Variants in INTS2 observed in about 807,000 individuals in gnomAD.
INTS2 encodes the protein integrator complex subunit 2.
In INTS2, 57 loss-of-function variants were observed where a neutral mutation model predicts 139.6. The ratio of observed to expected loss-of-function variants is 0.41; its 90% CI spans 0.33 to 0.51. The LOEUF is 0.51. Ranked by LOEUF, INTS2 falls within the 20% of genes least tolerant of loss-of-function variation. The probability of loss-of-function intolerance (pLI) is 0.28; values close to 1 mark genes in which losing one functional copy is unlikely to be tolerated. For synonymous variants in INTS2, 473 were observed against 493.4 expected (o/e 0.96, Z 0.55); for missense variants, 1,196 against 1,436.7 (o/e 0.83, Z 2.71).
At chr17:61,888,781 T>C (rs951180374) in intron 15 of INTS2, among the ~76,000 whole-genome samples, 3 of 152,002 alleles carry the variant, frequency 2.0e-5, no homozygotes, top group South Asian at 2.1e-4. Context: ...TCCCAGCACT[T>C]TGGGAGGCCG....
At position 61,873,158 on chromosome 17, in the gene INTS2, G is replaced by A. The variant is rs1209186973; in HGVS notation, c.2583-698C>T. ...AAAGCACTATTGATAAAAGCAAAAA[G>A]TAGAAATAAAATATCCTAGGGGATT... On this transcript the variant is annotated intron_variant, in intron 19 of 24. Coordinates refer to ENST00000251334, the MANE Select transcript of INTS2 (RefSeq NM_001351695.2). The surrounding 1 kb of genome is among the most constrained non-coding windows in gnomAD (Gnocchi z 4.0). Among the ~76,000 whole-genome samples the A allele has an allele frequency of 1.3e-5, 2 of 152,116 alleles. No individual in the cohort carries two copies. Among genetic ancestry groups the A allele is most frequent in the Non-Finnish European group, 2.9e-5 (2 of 68,020 alleles).
chr17:61,922,118 C>T (rs2079647740), intron 3 of INTS2, among the ~76,000 whole-genome samples: 1 of 152,056 alleles, frequency 6.6e-6, no homozygotes, highest in Non-Finnish European at 1.5e-5. Context: ...ACTACAAATG[C>T]AGCCTACATA....
intron 15 of INTS2, among the ~76,000 whole-genome samples, chr17:61,886,702 A>AG (rs1173331926): frequency 6.6e-6 from 1 of 152,212 alleles, no homozygotes; most frequent in Non-Finnish European, 1.5e-5. Flanking sequence ...GCTCATTCCA[A>AG]GGTACTTTCC....
rs1430210424 is a variant in INTS2, at chr17:61,882,589, C to T, written c.2090-1418G>A. ...ACTAAAAATACAAAAATTAGCCAGG[C>T]GTGGTGGCACACGCCTGTAATCCTG... On this transcript the variant is annotated intron_variant, in intron 16 of 24. Coordinates refer to ENST00000251334, the MANE Select transcript of INTS2 (RefSeq NM_001351695.2). This position sits in a 1 kb window ranked among gnomAD's most constrained non-coding sequence, Gnocchi z 4.7. Among the ~76,000 whole-genome samples, 1 of 152,052 alleles carries T rather than the reference C, an allele frequency of 6.6e-6. No homozygotes were observed.
chr17:61,904,015 T>C (rs2079435362), intron 9 of INTS2, among the ~76,000 whole-genome samples: 1 of 151,850 alleles, frequency 6.6e-6, no homozygotes, highest in Non-Finnish European at 1.5e-5. Flanking sequence ...AAAGATAAAA[T>C]AGGAAGGAGA....
chr17:61,926,560 A>G lies in INTS2; in HGVS notation c.85T>C (p.Leu29=). Residue 29 remains leucine, a synonymous_variant, in exon 2 of 25, where the codon TTA becomes CTA. Transcript: ENST00000251334. ...QKVDVVCLAS[L]SDPELRLLLP... ...AGAAGTCTTAATTCTGGATCACTTA[A>G]AGATGCCAGGCAAACAACATCCACC... 2 of 1,613,476 alleles carry G rather than the reference A, an allele frequency of 1.2e-6. No homozygotes were observed. The highest frequency in any genetic ancestry group is 1.7e-6 in the Non-Finnish European group (2 of 1,179,638).
intron 9 of INTS2, among the ~76,000 whole-genome samples, chr17:61,902,377 T>C (rs935822117): frequency 4.6e-5 from 7 of 152,178 alleles, no homozygotes; most frequent in Admixed American, 6.5e-5. Context: ...TTTGAAATGA[T>C]TGTCGTATTT....
Position 61,897,655 on chromosome 17 carries a change from C to A in INTS2, c.1379+13G>T. 1 of 1,595,242 alleles carries A rather than the reference C, an allele frequency of 6.3e-7. No homozygotes were observed. Among genetic ancestry groups the A allele is most frequent in the Non-Finnish European group, 8.6e-7 (1 of 1,169,206 alleles). The stretch of plus-strand genomic sequence containing the variant: ...GAAAAGCTTTCTCAACTAACTAAAT[C>A]AAATTATCTTACCTCTCAAAATACG... On this transcript the variant is annotated intron_variant, in intron 10 of 24. Transcript: ENST00000251334. The surrounding 1 kb of genome is among the most constrained non-coding windows in gnomAD (Gnocchi z 4.4).
Position 61,876,906 on chromosome 17 carries a change from G to A in INTS2, c.2456+981C>T, listed in dbSNP as rs2079131803. Reference sequence around the variant, plus strand: ...TATTAACTAACCCAACATATATGTTGAGTAAGGGGGAGGGCACTTGCATAA... The same window carrying A: ...TATTAACTAACCCAACATATATGTTAAGTAAGGGGGAGGGCACTTGCATAA... On this transcript the variant is annotated intron_variant, in intron 18 of 24. Coordinates refer to ENST00000251334, the MANE Select transcript of INTS2 (RefSeq NM_001351695.2). This position sits in a 1 kb window ranked among gnomAD's most constrained non-coding sequence, Gnocchi z 4.1. Among the ~76,000 whole-genome samples the A allele has an allele frequency of 6.6e-6, 1 of 152,320 alleles. No individual in the cohort carries two copies. Among genetic ancestry groups the A allele is most frequent in the Admixed American group, 6.5e-5 (1 of 15,304 alleles).
chr17:61,867,441 T>C lies in INTS2; in HGVS notation c.*116A>G, dbSNP rs2079054340. The stretch of plus-strand genomic sequence containing the variant: ...CTATACTCATGTTGAATTGAATTGT[T>C]TTAGTGATTCCAAGACAATACTTTA... On this transcript the variant is annotated 3_prime_UTR_variant, in exon 25 of 25. Coordinates refer to ENST00000251334, the MANE Select transcript of INTS2 (RefSeq NM_001351695.2). This position sits in a 1 kb window ranked among gnomAD's most constrained non-coding sequence, Gnocchi z 5.6. 1.7e-6 allele frequency: 1 copy of C among 589,650 alleles called. No homozygotes were observed. Among genetic ancestry groups the C allele is most frequent in the Admixed American group, 3.2e-5 (1 of 30,956 alleles). The allele number at this position is 589,650 out of a possible 1,614,324, so 36.5% of individuals were successfully genotyped here.
intron 2 of INTS2, among the ~76,000 whole-genome samples, chr17:61,926,131 T>C (rs183338069): frequency 3.3e-5 from 5 of 152,316 alleles, no homozygotes; most frequent in Non-Finnish European, 1.5e-5. Context: ...CTAATGAGTT[T>C]AGCCCACATA....
At chr17:61,904,184 T>C (rs893402895) in intron 9 of INTS2, among the ~76,000 whole-genome samples, 1 of 152,100 alleles carries the variant, frequency 6.6e-6, no homozygotes, top group African/African-American at 2.4e-5. Flanking sequence ...ACACCTGCAG[T>C]CCCAGCTACT....
At chr17:61,906,830 CAAAA>C (rs60672452) in intron 8 of INTS2, among the ~76,000 whole-genome samples, 1 of 101,920 alleles carries the variant, frequency 9.8e-6, no homozygotes, top group Non-Finnish European at 2.1e-5. Context: ...ACTAAAAATA[CAAAA>C]AAAAAAAAAA....
chr17:61,874,174 G>A (rs910154455), intron 19 of INTS2: 1 of 152,012 alleles, frequency 6.6e-6, no homozygotes, highest in Admixed American at 6.6e-5. Context: ...CACTGCACTC[G>A]AACCAGCCCT....
chr17:61,904,190 C>T (rs2079437401), intron 9 of INTS2, among the ~76,000 whole-genome samples: 1 of 152,084 alleles, frequency 6.6e-6, no homozygotes, highest in Non-Finnish European at 1.5e-5. Flanking sequence ...GCAGTCCCAG[C>T]TACTTGGGAG....
At chr17:61,910,114 T>TA (rs1253619739) in intron 7 of INTS2, 1 of 152,176 alleles carries the variant, frequency 6.6e-6, no homozygotes, top group African/African-American at 2.4e-5. Context: ...TTGAAAACAT[T>TA]ATGCTAAGTG....
chr17:61,920,654 T>G (rs895228553), intron 4 of INTS2, among the ~76,000 whole-genome samples: 2 of 151,860 alleles, frequency 1.3e-5, no homozygotes, highest in African/African-American at 4.8e-5. Context: ...AAATACAAAA[T>G]TAGCTGGGCA....
intron 16 of INTS2, among the ~76,000 whole-genome samples, chr17:61,881,899 G>C (rs2079181744): frequency 6.6e-6 from 1 of 152,176 alleles, no homozygotes; most frequent in South Asian, 2.1e-4. Context: ...GTCTCCTAAA[G>C]TTGTTTGACA....
intron 9 of INTS2, among the ~76,000 whole-genome samples, chr17:61,898,758 T>C (rs1447081982): frequency 6.6e-6 from 1 of 152,056 alleles, no homozygotes; most frequent in African/African-American, 2.4e-5. Context: ...GGATTACAGG[T>C]GTCTGCCACC....
Sources: allele counts gnomAD v4.1 joint callset (sites outside exome capture counted in the v4.1 genomes callset), GRCh38; gene constraint gnomAD v4.1.1; non-coding constraint Gnocchi (gnomAD v3.1); transcripts MANE v1.5; gene names NCBI Gene and HGNC (gene_info 2026-07-23, HGNC 2026-07-21).